The following ANO4 variants were observed in gnomAD, a reference collection of about 807,000 sequenced individuals.
The protein encoded by ANO4 is anoctamin 4.
In ANO4, 69 loss-of-function variants were observed where a neutral mutation model predicts 141.9. The observed-to-expected ratio is 0.49, with a 90% CI of 0.40 to 0.59. The LOEUF is 0.59. Ranked by LOEUF, ANO4 falls within the 20% of genes least tolerant of loss-of-function variation. The pLI is 0.00. For missense variants in ANO4, 894 were observed against 1,162.2 expected (o/e 0.77, Z 3.36); for synonymous variants, 350 against 394.3 (o/e 0.89, Z 1.33).
At chr12:100,909,096 G>A (rs1565997580) in intron 2 of ANO4, among the ~76,000 whole-genome samples, 2 of 152,158 alleles carry the variant, frequency 1.3e-5, no homozygotes, top group South Asian at 2.1e-4. Flanking sequence ...TCCAAACAAA[G>A]AAGGAATTTA....
chr12:101,016,403 G>A (rs2046318145), intron 8 of ANO4, among the ~76,000 whole-genome samples: 1 of 152,074 alleles, frequency 6.6e-6, no homozygotes. Context: ...AACTACCAGA[G>A]TGAGAACTCA....
At chr12:100,861,746 T>C (rs1400710377) in intron 1 of ANO4, among the ~76,000 whole-genome samples, 1 of 152,258 alleles carries the variant, frequency 6.6e-6, no homozygotes, top group Non-Finnish European at 1.5e-5. Context: ...GACTCTTTTG[T>C]AATAATATTT....
intron 1 of ANO4, among the ~76,000 whole-genome samples, chr12:100,843,271 A>G (rs2037378140): frequency 6.6e-6 from 1 of 152,184 alleles, no homozygotes; most frequent in South Asian, 2.1e-4. Context: ...TATCAGCATC[A>G]ATATCATGAT....
chr12:100,887,717 A>T (rs1482913989), intron 1 of ANO4, among the ~76,000 whole-genome samples: 1 of 152,244 alleles, frequency 6.6e-6, no homozygotes, highest in African/African-American at 2.4e-5. Context: ...ACAAATATTT[A>T]TTAAATGAAT....
intron 8 of ANO4, among the ~76,000 whole-genome samples, chr12:100,991,012 G>A (rs1443735216): frequency 6.6e-6 from 1 of 152,098 alleles, no homozygotes; most frequent in Non-Finnish European, 1.5e-5. Flanking sequence ...GAGAACCAAG[G>A]AAGAAAAAGC....
At chr12:101,057,445 G>T (rs1203194893) in intron 14 of ANO4, among the ~76,000 whole-genome samples, 1 of 152,188 alleles carries the variant, frequency 6.6e-6, no homozygotes, top group African/African-American at 2.4e-5. Context: ...TTTCCACAAT[G>T]ATTGAACTAA....
chr12:100,993,981 G>C (rs2045257947), intron 8 of ANO4, among the ~76,000 whole-genome samples: 1 of 152,176 alleles, frequency 6.6e-6, no homozygotes, highest in Admixed American at 6.5e-5. Context: ...TGGCACTGGG[G>C]CTGAATAACT....
intron 11 of ANO4, among the ~76,000 whole-genome samples, chr12:101,040,341 C>T (rs2047364847): frequency 6.6e-6 from 1 of 152,236 alleles, no homozygotes; most frequent in Non-Finnish European, 1.5e-5. Flanking sequence ...CCAGGCCTGT[C>T]ACAAGACTTC....
intron 1 of ANO4, among the ~76,000 whole-genome samples, chr12:100,863,452 G>A (rs546177972): frequency 6.6e-5 from 10 of 152,210 alleles, no homozygotes; most frequent in African/African-American, 2.4e-4. Flanking sequence ...AACTCCCCTA[G>A]GCTGAGTTGA....
chr12:100,894,284 G>T (rs1182034265), intron 1 of ANO4, among the ~76,000 whole-genome samples: 1 of 152,088 alleles, frequency 6.6e-6, no homozygotes, highest in African/African-American at 2.4e-5. Context: ...CCAAGGACCT[G>T]GTGTGGTGGA....
intron 1 of ANO4, among the ~76,000 whole-genome samples, chr12:100,896,246 TC>T (rs1179029558): frequency 6.6e-6 from 1 of 152,162 alleles, no homozygotes; most frequent in African/African-American, 2.4e-5. Context: ...GAGATTATCC[TC>T]CATTATCCAG....
intron 3 of ANO4, among the ~76,000 whole-genome samples, chr12:100,769,121 C>T (rs968838603): frequency 6.6e-6 from 1 of 152,168 alleles, no homozygotes; most frequent in East Asian, 1.9e-4. Context: ...ATTTTTCAGC[C>T]TAAAAATCCA....
At chr12:101,113,627 ATTAC>A (rs995769375) in intron 24 of ANO4, among the ~76,000 whole-genome samples, 1 of 151,710 alleles carries the variant, frequency 6.6e-6, no homozygotes, top group African/African-American at 2.4e-5. Flanking sequence ...TGGCCACTCT[ATTAC>A]TTTTCAGATT....
chr12:100,999,738 G>A (rs77411926), intron 8 of ANO4, among the ~76,000 whole-genome samples: 6,167 of 152,064 alleles, frequency 0.041, 200 homozygotes, highest in East Asian at 0.11. Flanking sequence ...GACATTAAAT[G>A]AAATGACATA....
At chr12:101,096,343 G>C (rs1409586335) in intron 18 of ANO4, among the ~76,000 whole-genome samples, 193 bp from the exon 19 acceptor site, 1 of 152,080 alleles carries the variant, frequency 6.6e-6, no homozygotes, top group Non-Finnish European at 1.5e-5. Flanking sequence ...GACCCTTGTT[G>C]GGTCTGGTCT....
At chr12:100,989,749 ATATGGATG>A (rs760565671) in intron 8 of ANO4, among the ~76,000 whole-genome samples, 12 of 42,308 alleles carry the variant, frequency 2.8e-4, no homozygotes, top group African/African-American at 1.1e-3. Flanking sequence ...ATGGATGGAT[ATATGGATG>A]GATGGATGGA....
intron 17 of ANO4, among the ~76,000 whole-genome samples, chr12:101,092,154 A>C (rs2049803131): frequency 6.6e-6 from 1 of 152,030 alleles, no homozygotes; most frequent in Non-Finnish European, 1.5e-5. Context: ...AGTTATTATC[A>C]TCCTTTTTAT....
In ANO4 at chr12:101,114,324, G is replaced by A. The variant is rs144764092; in HGVS notation, c.2451-2355G>A. ...AAAAGGTGAAAGGAATTAGTGAAAC[G>A]TCTAGCTGTCCGTGCATCTTTTCCC... On this transcript the variant is annotated intron_variant, in intron 24 of 27. Transcript: ENST00000392977. Among the ~76,000 whole-genome samples, 191 of 152,278 alleles carry A rather than the reference G, an allele frequency of 1.3e-3. 1 individual carries two copies. Among genetic ancestry groups the A allele is most frequent in the African/African-American group, 4.4e-3 (182 of 41,566 alleles).
chr12:100,789,923 A>C (rs898450476), upstream of ANO4, among the ~76,000 whole-genome samples: 3 of 152,218 alleles, frequency 2.0e-5, no homozygotes, highest in Non-Finnish European at 2.9e-5. Context: ...GTTATCTGCT[A>C]TTTGTATTTG....
Sources: allele counts gnomAD v4.1 joint callset (sites outside exome capture counted in the v4.1 genomes callset), GRCh38; gene constraint gnomAD v4.1.1; transcripts MANE v1.5; gene names NCBI Gene and HGNC (gene_info 2026-07-23, HGNC 2026-07-21).